Variants in MACIR observed in about 807,000 individuals in gnomAD.
MACIR encodes the protein macrophage immunometabolism regulator, also known as UNC119-binding protein C5orf30.
A neutral mutation model predicts 14.3 loss-of-function variants in MACIR; 4 were observed. The ratio of observed to expected loss-of-function variants is 0.28; its 90% confidence interval spans 0.14 to 0.64. MACIR has a LOEUF of 0.64. Ranked by LOEUF, MACIR falls within the 30% of genes least tolerant of loss-of-function variation. The pLI, the probability that MACIR is intolerant of heterozygous loss-of-function variation, is 0.83. For synonymous variants in MACIR, 101 were observed against 102.4 expected, an observed-to-expected ratio of 0.99 and a Z score of 0.08; for missense variants, 228 against 257.6, an observed-to-expected ratio of 0.89 and a Z score of 0.79.
rs568917118 is a variant in MACIR, at chr5:103,263,645, A to G, written c.-113-2263A>G. 3.5e-4 allele frequency among the ~76,000 whole-genome samples: 54 copies of G among 152,204 alleles called. 1 individual carries two copies. The highest frequency in any genetic ancestry group is 2.4e-4 in the Non-Finnish European group (16 of 68,012). Reference sequence around the variant, plus strand: ...TCACCAAATACATGAGGCAAATTATATGAAAGTTTGAATGAGATTTAAGAC... The same window carrying G: ...TCACCAAATACATGAGGCAAATTATGTGAAAGTTTGAATGAGATTTAAGAC... On this transcript the variant is annotated intron_variant, in intron 1 of 2. Transcript: ENST00000319933.
At chr5:103,273,010 T>C (rs1805191630) in intron 2 of MACIR, among the ~76,000 whole-genome samples, 1 of 152,206 alleles carries the variant, frequency 6.6e-6, no homozygotes, top group African/African-American at 2.4e-5. Context: ...AAAGTCAGCC[T>C]TTTCATGTTC....
At chr5:103,270,386 A>C (rs555991280) in intron 2 of MACIR, among the ~76,000 whole-genome samples, 8 of 152,292 alleles carry the variant, frequency 5.3e-5, no homozygotes, top group Non-Finnish European at 1.0e-4. Flanking sequence ...TCACTCTTAC[A>C]TTTGTAAATA....
chr5:103,260,050 C>CGT (rs70990427), intron 1 of MACIR, among the ~76,000 whole-genome samples: 89,255 of 138,412 alleles, frequency 0.64, 26,823 homozygotes, highest in South Asian at 0.76. Context: ...CCAAGATTTC[C>CGT]GTGTGTGTGT....
chr5:103,276,723 G>C lies in MACIR; in HGVS notation c.*183G>C, dbSNP rs1254404652. ...GAATGAAATCACAGGTACTTGGGGGGGGGATATCATTCTAGAGCACGCAAC... is the reference window on the plus strand; with the variant it reads ...GAATGAAATCACAGGTACTTGGGGGCGGGATATCATTCTAGAGCACGCAAC... On this transcript the variant is annotated 3_prime_UTR_variant, in exon 3 of 3. Coordinates refer to ENST00000319933, the MANE Select transcript of MACIR (RefSeq NM_033211.4). 3 of 512,798 alleles carry C rather than the reference G, an allele frequency of 5.9e-6. No homozygotes were observed. The highest frequency in any genetic ancestry group is 3.1e-5 in the East Asian group (1 of 32,242). The allele number at this position is 512,798 out of a possible 1,614,324, so 31.8% of individuals were successfully genotyped here.
intron 1 of MACIR, among the ~76,000 whole-genome samples, chr5:103,260,520 TAATG>T (rs1283953761): frequency 2.0e-5 from 3 of 152,216 alleles, no homozygotes; most frequent in Non-Finnish European, 4.4e-5. Context: ...ATATAAGAGT[TAATG>T]AATACAGAGA....
At chr5:103,266,602 C>T (rs567695814) in intron 2 of MACIR, among the ~76,000 whole-genome samples, 6 of 152,090 alleles carry the variant, frequency 3.9e-5, no homozygotes, top group African/African-American at 1.4e-4. Context: ...CCATGTGTCT[C>T]GAAGTCTTTG....
chr5:103,266,436 C>T (rs528242641), intron 2 of MACIR, among the ~76,000 whole-genome samples: 1 of 152,218 alleles, frequency 6.6e-6, no homozygotes, highest in Admixed American at 6.5e-5. Flanking sequence ...CTGAAAGGAG[C>T]ATTATTTTCA....
At position 103,276,042 on chromosome 5, in the gene MACIR, C is replaced by T; in HGVS notation, c.123C>T (p.Cys41=). The T allele has an allele frequency of 1.2e-6, 2 of 1,614,160 alleles. No homozygotes were observed. Among genetic ancestry groups the T allele is most frequent in the South Asian group, 1.1e-5 (1 of 91,086 alleles). The change falls in exon 3 of 3, where the codon TGC becomes TGT. Residue 41 remains cysteine (C), a synonymous_variant. Coordinates refer to ENST00000319933, the MANE Select transcript of MACIR (RefSeq NM_033211.4). ...AGCCCCGCTGCTCCAGCACACCCTG[C>T]TCCCCGATGCGGAGGACCGTGTCAG... ...AEKPRCSSTP[C]SPMRRTVSGY... is the part of the protein sequence containing the mutation.
At chr5:103,269,761 G>C (rs1057039785) in intron 2 of MACIR, among the ~76,000 whole-genome samples, 13 of 152,138 alleles carry the variant, frequency 8.5e-5, no homozygotes, top group Non-Finnish European at 1.9e-4. Context: ...TTCCACTCAC[G>C]TGTGTTATGG....
At chr5:103,261,697 T>TCTTTCTTC (rs1467582075) in intron 1 of MACIR, among the ~76,000 whole-genome samples, 1 of 109,914 alleles carries the variant, frequency 9.1e-6, no homozygotes, top group Non-Finnish European at 1.9e-5. Flanking sequence ...TTTCTTTCTT[T>TCTTTCTTC]CTTTCTTCCT....
At chr5:103,275,166 A>T (rs946418072) in intron 2 of MACIR, among the ~76,000 whole-genome samples, 20 of 152,192 alleles carry the variant, frequency 1.3e-4, no homozygotes, top group African/African-American at 4.8e-4. Context: ...ATGACATCTG[A>T]TGTTTTATAC....
chr5:103,270,659 C>A (rs1805091954), intron 2 of MACIR, among the ~76,000 whole-genome samples: 1 of 152,120 alleles, frequency 6.6e-6, no homozygotes, highest in Non-Finnish European at 1.5e-5. Flanking sequence ...AAAAAATGTT[C>A]ATGGACTCTA....
In MACIR at chr5:103,275,918, A is replaced by G. The variant is rs782563123; in HGVS notation, c.-2A>G. ...TTAGGATTGTGCAGACTGGTGCTTA[A>G]AATGGAAGTCGATATTAATGGAGAG... On this transcript the variant is annotated 5_prime_UTR_variant, in exon 3 of 3. Coordinates refer to ENST00000319933, the MANE Select transcript of MACIR (RefSeq NM_033211.4). 3.9e-5 allele frequency: 63 copies of G among 1,608,584 alleles called. No individual in the cohort carries two copies. Among genetic ancestry groups the G allele is most frequent in the Non-Finnish European group, 5.2e-5 (61 of 1,176,852 alleles).
chr5:103,274,249 T>C (rs530844891), intron 2 of MACIR, among the ~76,000 whole-genome samples: 1 of 152,242 alleles, frequency 6.6e-6, no homozygotes, highest in South Asian at 2.1e-4. Flanking sequence ...CATGGCTCTC[T>C]AAAGTTTATT....
At chr5:103,259,657 C>T (rs1248061029) in intron 1 of MACIR, 4 of 152,614 alleles carry the variant, frequency 2.6e-5, no homozygotes, top group South Asian at 2.1e-4. Flanking sequence ...TCTGCCGGTG[C>T]AGTGGGGGTG....
In MACIR at chr5:103,265,939, C is replaced by G. The variant is rs1253953648; in HGVS notation, c.-82C>G. ...GAGTAGAACAGAAAAATTATTATGT[C>G]TGTGTTCCCTTGGGACTCATTGGAA... On this transcript the variant is annotated 5_prime_UTR_variant, in exon 2 of 3. Transcript: ENST00000319933. 1.3e-5 allele frequency: 2 copies of G among 152,004 alleles called. No homozygotes were observed. The highest frequency in any genetic ancestry group is 2.9e-5 in the Non-Finnish European group (2 of 67,948). 9.4% of individuals were successfully genotyped at this position (152,004 alleles called of 1,614,324 possible). A position where few individuals can be genotyped will look rare whatever the true frequency, so the allele number is the denominator to read the frequency against.
At chr5:103,265,287 C>T (rs1804883769) in intron 1 of MACIR, among the ~76,000 whole-genome samples, 1 of 152,116 alleles carries the variant, frequency 6.6e-6, no homozygotes, top group African/African-American at 2.4e-5. Flanking sequence ...ATTGTTGCTG[C>T]TTTATGGCTA....
At chr5:103,260,608 T>G (rs1554236184) in intron 1 of MACIR, among the ~76,000 whole-genome samples, 1 of 152,232 alleles carries the variant, frequency 6.6e-6, no homozygotes, top group East Asian at 1.9e-4. Context: ...AATGAAAGTG[T>G]TAGTAATTAT....
chr5:103,276,177 A>G lies in MACIR; in HGVS notation c.258A>G (p.Glu86=), dbSNP rs1425825438. Reference sequence around the variant, plus strand: ...CAGGAGGTGAAGAGAGCAAAGCAGAAGCCATGCCATCCTTACGCTCCAAAC... The same window carrying G: ...CAGGAGGTGAAGAGAGCAAAGCAGAGGCCATGCCATCCTTACGCTCCAAAC... The part of the protein sequence containing the change: ...KCTGGEESKA[E]AMPSLRSKQL... Residue 86 remains glutamate, a synonymous_variant, in exon 3 of 3, where the codon GAA becomes GAG. Transcript: ENST00000319933. 1.6e-5 allele frequency: 26 copies of G among 1,613,736 alleles called. No individual in the cohort carries two copies. The highest frequency in any genetic ancestry group is 2.1e-5 in the Non-Finnish European group (25 of 1,179,970).
Sources: gnomAD v4.1 joint callset for allele counts (sites outside exome capture counted in the v4.1 genomes callset) on GRCh38, gnomAD v4.1.1 for gene constraint, MANE v1.5 for transcripts, NCBI Gene and HGNC (gene_info 2026-07-23, HGNC 2026-07-21) for gene names.